Variants in CABLES1 observed in about 807,000 individuals in gnomAD.
CABLES1 encodes the protein Cdk5 and Abl enzyme substrate 1.
In CABLES1, 36 loss-of-function variants were observed where a neutral mutation model predicts 57.8. The ratio of observed to expected loss-of-function variants is 0.62; its 90% CI spans 0.48 to 0.82. The LOEUF (loss-of-function observed/expected upper bound fraction) is 0.82. CABLES1 is among the 40% of genes least tolerant of loss of function. The pLI, the probability that CABLES1 is intolerant of heterozygous loss-of-function variation, is 0.00. For synonymous variants in CABLES1, 374 were observed against 363.0 expected (o/e 1.03, Z -0.35); for missense variants, 767 against 836.6 (o/e 0.92, Z 1.03).
Position 23,227,720 on chromosome 18 carries a change from C to T in CABLES1, c.1089-6888C>T, listed in dbSNP as rs145744898. Among the ~76,000 whole-genome samples the T allele has an allele frequency of 1.3e-3, 196 of 152,286 alleles. 1 individual carries two copies. Among genetic ancestry groups the T allele is most frequent in the African/African-American group, 4.4e-3 (182 of 41,568 alleles). On this transcript the variant is annotated intron_variant, in intron 4 of 9. Transcript: ENST00000256925. ...GGGGAAGACTTGTGTCGTCGACTTC[C>T]GGCCCATGTGTAATCTCTTAATTAA...
At chr18:23,195,696 G>T (rs1179348092) in intron 3 of CABLES1, among the ~76,000 whole-genome samples, 1 of 152,204 alleles carries the variant, frequency 6.6e-6, no homozygotes, top group Admixed American at 6.5e-5. Context: ...CATATTTTAA[G>T]TACAATGCTT....
intron 3 of CABLES1, among the ~76,000 whole-genome samples, chr18:23,209,354 C>T (rs1362481277): frequency 2.0e-5 from 3 of 152,200 alleles, no homozygotes; most frequent in Non-Finnish European, 4.4e-5. Flanking sequence ...AGGGGGGACA[C>T]CTGTACTTAC....
Position 23,253,870 on chromosome 18 carries a change from A to G in CABLES1, c.1695A>G (p.Ala565=), listed in dbSNP as rs375272080. The G allele has an allele frequency of 6.2e-7, 1 of 1,614,234 alleles. No homozygotes were observed. The highest frequency in any genetic ancestry group is 8.5e-7 in the Non-Finnish European group (1 of 1,180,042). ...AGAACCGGAAGCTGTGTGCTGGGGCATGTGTGCTGTTAGCAGCCAAAATTG... is the reference window on the plus strand; with the variant it reads ...AGAACCGGAAGCTGTGTGCTGGGGCGTGTGTGCTGTTAGCAGCCAAAATTG... ...NKQNRKLCAG[A]CVLLAAKIGS... is the part of the protein sequence containing the mutation. The change falls in exon 9 of 10, where the codon GCA becomes GCG. Residue 565 remains alanine, a synonymous_variant. Transcript: ENST00000256925.
chr18:23,213,934 G>T, intron 3 of CABLES1, 43 bp from the exon 4 acceptor site: 1 of 1,333,724 alleles, frequency 7.5e-7, no homozygotes. Context: ...TTGATTCTTT[G>T]CATTTAGTGT....
chr18:23,153,385 A>G (rs928069344), intron 1 of CABLES1, among the ~76,000 whole-genome samples: 1 of 152,010 alleles, frequency 6.6e-6, no homozygotes, highest in Non-Finnish European at 1.5e-5. Flanking sequence ...GGCATGTGCC[A>G]CTATGACCAG....
chr18:23,174,922 G>A (rs1357242109), intron 1 of CABLES1, among the ~76,000 whole-genome samples: 2 of 146,372 alleles, frequency 1.4e-5, no homozygotes, highest in African/African-American at 2.5e-5. Context: ...TGACATACTG[G>A]TGACTTATGC....
intron 4 of CABLES1, among the ~76,000 whole-genome samples, chr18:23,232,162 T>C (rs764450627): frequency 3.3e-5 from 5 of 152,212 alleles, no homozygotes; most frequent in Non-Finnish European, 5.9e-5. Flanking sequence ...AGTATGGGCT[T>C]ATTGGAATTC....
chr18:23,202,886 C>T (rs1159915421), intron 3 of CABLES1, among the ~76,000 whole-genome samples: 1 of 151,490 alleles, frequency 6.6e-6, no homozygotes, highest in Non-Finnish European at 1.5e-5. Flanking sequence ...ACTCGGGAGG[C>T]TGAGGCAGGA....
In CABLES1 at chr18:23,175,014, C is replaced by T. The variant is rs116386136; in HGVS notation, c.846-13824C>T. 2.8e-3 allele frequency among the ~76,000 whole-genome samples: 418 copies of T among 151,842 alleles called. 1 individual carries two copies. The highest frequency in any genetic ancestry group is 9.7e-3 in the African/African-American group (401 of 41,414). On this transcript the variant is annotated intron_variant, in intron 1 of 9. Transcript: ENST00000256925. Reference sequence around the variant, plus strand: ...GCAGTTACGCTTCACCTGCCACATCCGTTAAATTGAATTGGGCCTTGACAT... The same window carrying T: ...GCAGTTACGCTTCACCTGCCACATCTGTTAAATTGAATTGGGCCTTGACAT...
chr18:23,172,135 G>C (rs1054415693), intron 1 of CABLES1, among the ~76,000 whole-genome samples: 1 of 152,148 alleles, frequency 6.6e-6, no homozygotes. Flanking sequence ...TGTTGCCCAG[G>C]CTGGAACATT....
chr18:23,146,049 C>T (rs891974936), intron 1 of CABLES1, among the ~76,000 whole-genome samples: 5 of 152,218 alleles, frequency 3.3e-5, no homozygotes, highest in Non-Finnish European at 5.9e-5. Context: ...CAACCAGATA[C>T]TAGTAAAATA....
intron 7 of CABLES1, 113 bp downstream of exon 7, chr18:23,237,358 G>A: frequency 2.6e-6 from 2 of 760,918 alleles, no homozygotes; most frequent in Non-Finnish European, 4.8e-6. Flanking sequence ...ACCTTCATGA[G>A]GAGCTCCCCG....
At chr18:23,174,144 G>A (rs954469857) in intron 1 of CABLES1, among the ~76,000 whole-genome samples, 1 of 152,000 alleles carries the variant, frequency 6.6e-6, no homozygotes, top group African/African-American at 2.4e-5. Context: ...TGGCAACCAC[G>A]AATCTATTTT....
intron 1 of CABLES1, among the ~76,000 whole-genome samples, chr18:23,156,628 T>C (rs1258095799): frequency 6.6e-6 from 1 of 152,240 alleles, no homozygotes; most frequent in African/African-American, 2.4e-5. Context: ...TGGGTAGCTA[T>C]GTTCCTGTGA....
intron 4 of CABLES1, among the ~76,000 whole-genome samples, chr18:23,227,183 G>A (rs759268347): frequency 3.9e-5 from 6 of 152,064 alleles, no homozygotes; most frequent in Non-Finnish European, 5.9e-5. Context: ...AGAGAACAGC[G>A]TCTTCTATTC....
intron 1 of CABLES1, among the ~76,000 whole-genome samples, chr18:23,183,352 A>G (rs1239532135): frequency 6.6e-6 from 1 of 152,188 alleles, no homozygotes; most frequent in Non-Finnish European, 1.5e-5. Context: ...CCGGGAGTAT[A>G]CAGTGATTTG....
chr18:23,190,543 C>A (rs1429398954), intron 2 of CABLES1: 1 of 152,158 alleles, frequency 6.6e-6, no homozygotes, highest in Non-Finnish European at 1.5e-5. Flanking sequence ...GTTCTGCGTT[C>A]CTGGTTGGTG....
At chr18:23,221,439 AG>A (rs2047486374) in intron 4 of CABLES1, among the ~76,000 whole-genome samples, 2 of 152,206 alleles carry the variant, frequency 1.3e-5, no homozygotes, top group Admixed American at 1.3e-4. Context: ...GTGTATGCTC[AG>A]TGTCCTGAGT....
chr18:23,144,133 T>C (rs1442038770), intron 1 of CABLES1, among the ~76,000 whole-genome samples: 1 of 152,220 alleles, frequency 6.6e-6, no homozygotes, highest in African/African-American at 2.4e-5. Flanking sequence ...GCTCTCCCCA[T>C]GCTCGTACAC....
Sources: allele counts gnomAD v4.1 joint callset (sites outside exome capture counted in the v4.1 genomes callset), GRCh38; gene constraint gnomAD v4.1.1; transcripts MANE v1.5; gene names NCBI Gene and HGNC (gene_info 2026-07-23, HGNC 2026-07-21).